Variants in FAM135B observed in about 807,000 individuals in gnomAD.
The protein encoded by FAM135B is protein FAM135B.
In FAM135B, 43 loss-of-function variants were observed where a neutral mutation model predicts 127.7. The observed-to-expected ratio is 0.34, with a 90% confidence interval of 0.26 to 0.43. The LOEUF (loss-of-function observed/expected upper bound fraction) is 0.43. FAM135B is among the 20% of genes least tolerant of loss of function. The probability of loss-of-function intolerance (pLI) is 1.00; values close to 1 mark genes in which losing one functional copy is unlikely to be tolerated. For missense variants in FAM135B, 1,558 were observed against 1,725.6 expected, an observed-to-expected ratio of 0.90 and a Z score of 1.72; for synonymous variants, 670 against 665.1, an observed-to-expected ratio of 1.01 and a Z score of -0.11.
intron 11 of FAM135B, among the ~76,000 whole-genome samples, chr8:138,169,579 T>G (rs1056931497): frequency 6.6e-6 from 1 of 152,226 alleles, no homozygotes; most frequent in Non-Finnish European, 1.5e-5. Context: ...CATATTTAAC[T>G]CTTTAAATAT....
chr8:138,136,101 A>G (rs1816640049), intron 19 of FAM135B, among the ~76,000 whole-genome samples: 1 of 151,956 alleles, frequency 6.6e-6, no homozygotes, highest in Non-Finnish European at 1.5e-5. Context: ...ACTTTTCATT[A>G]CATATACTAG....
chr8:138,277,635 AC>A (rs1823937835), intron 3 of FAM135B, among the ~76,000 whole-genome samples: 1 of 152,166 alleles, frequency 6.6e-6, no homozygotes, highest in Admixed American at 6.5e-5. Flanking sequence ...TATGGTAACC[AC>A]ACACTTATTG....
Position 138,250,894 on chromosome 8 carries a change from C to T in FAM135B, c.489G>A (p.Val163=), listed in dbSNP as rs1237266221. The part of the protein sequence containing the change: ...PVMFDYFHLS[V]ISVTVHAALV... ...GGGCAGCATGGACGGTCACCGAGAT[C>T]ACAGACAGGTGGAAATAGTCGAACA... Residue 163 remains valine, a synonymous_variant, in exon 6 of 20, where the codon GTG becomes GTA. Coordinates refer to ENST00000395297, the MANE Select transcript of FAM135B (RefSeq NM_015912.4). 6.2e-7 allele frequency: 1 copy of T among 1,614,006 alleles called. No homozygotes were observed. Among genetic ancestry groups the T allele is most frequent in the Non-Finnish European group, 8.5e-7 (1 of 1,180,016 alleles).
intron 9 of FAM135B, among the ~76,000 whole-genome samples, chr8:138,183,900 G>A (rs1013318493): frequency 6.6e-6 from 1 of 152,208 alleles, no homozygotes; most frequent in African/African-American, 2.4e-5. Context: ...CGCTTAGTAT[G>A]TTTTCATAAC....
chr8:138,264,580 C>A (rs1217384430), intron 4 of FAM135B, among the ~76,000 whole-genome samples: 1 of 152,128 alleles, frequency 6.6e-6, no homozygotes, highest in Non-Finnish European at 1.5e-5. Flanking sequence ...ATATATTGAT[C>A]TAATATTAGA....
At chr8:138,473,630 C>G (rs1219974653) in intron 1 of FAM135B, among the ~76,000 whole-genome samples, 1 of 152,156 alleles carries the variant, frequency 6.6e-6, no homozygotes, top group African/African-American at 2.4e-5. Context: ...TCCTGAAAAG[C>G]AATTTCCTAA....
At chr8:138,362,938 A>G (rs1481515087) in intron 2 of FAM135B, among the ~76,000 whole-genome samples, 2 of 152,206 alleles carry the variant, frequency 1.3e-5, no homozygotes, top group African/African-American at 4.8e-5. Flanking sequence ...TAAAGCATGT[A>G]CAGATGTGCC....
chr8:138,184,134 T>C (rs1815336413), intron 9 of FAM135B, among the ~76,000 whole-genome samples: 1 of 152,074 alleles, frequency 6.6e-6, no homozygotes, highest in African/African-American at 2.4e-5. Context: ...CTGATGAGGA[T>C]TGTGTCAGGA....
Position 138,159,979 on chromosome 8 carries a change from T to C in FAM135B, c.1259-6763A>G, listed in dbSNP as rs150683659. Among the ~76,000 whole-genome samples, 186 of 152,242 alleles carry C rather than the reference T, an allele frequency of 1.2e-3. 1 individual carries two copies. Among genetic ancestry groups the C allele is most frequent in the African/African-American group, 4.3e-3 (180 of 41,540 alleles). Reference sequence around the variant, plus strand: ...AAAGACCAATCATGTGACTAGAGAGTTAAGACATTCAGTCAAGTAATACTA... The same window carrying C: ...AAAGACCAATCATGTGACTAGAGAGCTAAGACATTCAGTCAAGTAATACTA... On this transcript the variant is annotated intron_variant, in intron 12 of 19. Coordinates refer to ENST00000395297, the MANE Select transcript of FAM135B (RefSeq NM_015912.4).
intron 13 of FAM135B, among the ~76,000 whole-genome samples, chr8:138,150,849 A>G (rs1818078915): frequency 6.6e-6 from 1 of 152,106 alleles, no homozygotes; most frequent in Admixed American, 6.5e-5. Flanking sequence ...ATATTATTAA[A>G]TTAAACATTT....
chr8:138,372,193 C>T (rs1474843414), intron 1 of FAM135B, among the ~76,000 whole-genome samples: 1 of 152,238 alleles, frequency 6.6e-6, no homozygotes, highest in Non-Finnish European at 1.5e-5. Flanking sequence ...ATCTCAACCT[C>T]AGCTCACCTG....
intron 2 of FAM135B, chr8:138,358,553 A>T (rs910864119): frequency 1.3e-5 from 2 of 152,184 alleles, no homozygotes; most frequent in African/African-American, 4.8e-5. Context: ...ATGGACATTT[A>T]ATAGATTCTG....
At position 138,194,819 on chromosome 8, in the gene FAM135B, G is replaced by A. The variant is rs2131107167; in HGVS notation, c.873+439C>T. 2.6e-5 allele frequency among the ~76,000 whole-genome samples: 4 copies of A among 152,288 alleles called. No homozygotes were observed. In the Middle Eastern group the frequency reaches 0.01, roughly 388 times the overall value. On this transcript the variant is annotated intron_variant, in intron 9 of 19. Coordinates refer to ENST00000395297, the MANE Select transcript of FAM135B (RefSeq NM_015912.4). ...TATTCAGCCTTTACTCTTAATGCAC[G>A]CTTGATGAGGCTTTGTTGGCAAATG...
At chr8:138,199,587 T>C (rs1404544969) in intron 7 of FAM135B, among the ~76,000 whole-genome samples, 1 of 152,144 alleles carries the variant, frequency 6.6e-6, no homozygotes, top group African/African-American at 2.4e-5. Context: ...TATTAGTTCG[T>C]TTTCACAGTG....
intron 15 of FAM135B, among the ~76,000 whole-genome samples, chr8:138,145,240 T>C (rs11993332): frequency 0.16 from 24,032 of 152,118 alleles, 2,327 homozygotes; most frequent in African/African-American, 0.27. Context: ...GTTTTTGAAC[T>C]CCTAGGCTCA....
At chr8:138,437,735 T>G (rs559162553) in intron 1 of FAM135B, 1 of 152,260 alleles carries the variant, frequency 6.6e-6, no homozygotes, top group East Asian at 1.9e-4. Context: ...AATCCTATCT[T>G]ACAGCAGCAT....
chr8:138,265,939 C>T (rs1822886430), intron 3 of FAM135B, 97 bp from the exon 4 acceptor site: 2 of 1,280,576 alleles, frequency 1.6e-6, no homozygotes, highest in East Asian at 2.4e-5. Context: ...GGCTAATGGC[C>T]CCAAGCTGCC....
chr8:138,432,456 T>A lies in FAM135B; in HGVS notation c.-20+64215A>T, dbSNP rs1835244094. ...GCACCTGTTCCCAAACAACAGTCTC[T>A]AATATCATGGTCTTCTGTGCAGTCT... On this transcript the variant is annotated intron_variant, in intron 1 of 19. Coordinates refer to ENST00000395297, the MANE Select transcript of FAM135B (RefSeq NM_015912.4). Among the ~76,000 whole-genome samples, 5 of 152,122 alleles carry A rather than the reference T, an allele frequency of 3.3e-5. No individual in the cohort carries two copies. In the South Asian group the frequency reaches 1.0e-3, roughly 32 times the overall value.
intron 1 of FAM135B, among the ~76,000 whole-genome samples, chr8:138,427,191 T>C (rs939801416): frequency 6.6e-6 from 1 of 151,102 alleles, no homozygotes; most frequent in African/African-American, 2.4e-5. Context: ...AAAAGGGAGT[T>C]TTGGGGGTGT....
Sources: gnomAD v4.1 joint callset for allele counts (sites outside exome capture counted in the v4.1 genomes callset) on GRCh38, gnomAD v4.1.1 for gene constraint, MANE v1.5 for transcripts, NCBI Gene and HGNC (gene_info 2026-07-23, HGNC 2026-07-21) for gene names.